SARDH: variants seen among roughly 807,000 people sequenced by gnomAD.
The protein encoded by SARDH is sarcosine dehydrogenase, mitochondrial.
SARDH carries 95 observed loss-of-function variants against 109.1 expected under a neutral mutation model. That is an observed-to-expected ratio of 0.87 (90% confidence interval 0.74 to 1.03). SARDH has a LOEUF of 1.03. Among genes scored for constraint, SARDH ranks in the 50% least tolerant of loss-of-function variants. The probability of loss-of-function intolerance (pLI) is 0.00; values close to 1 mark genes in which losing one functional copy is unlikely to be tolerated. For synonymous variants in SARDH, 572 were observed against 534.8 expected (o/e 1.07, Z -0.96); for missense variants, 1,267 against 1,287.8 (o/e 0.98, Z 0.25).
At position 133,691,169 on chromosome 9, in the gene SARDH, A is replaced by AACACACACACACACAC. The variant is rs3081171; in HGVS notation, c.1922-658_1922-643dup. On this transcript the variant is annotated intron_variant, in intron 15 of 20. Transcript: ENST00000439388. ...ACAGACACCCTACCTCACCTCCCCCAACACACACACACACACACACACACA... is the reference window on the plus strand; with the variant it reads ...ACAGACACCCTACCTCACCTCCCCCAACACACACACACACACACACACACACACACACACACACACA... Among the ~76,000 whole-genome samples the AACACACACACACACAC allele has an allele frequency of 5.3e-5, 6 of 112,192 alleles. 1 individual carries two copies. The highest frequency in any genetic ancestry group is 2.2e-4 in the African/African-American group (6 of 27,824). 73.6% of individuals were successfully genotyped at this position (112,192 alleles called of 152,430 possible). A position where few individuals can be genotyped will look rare whatever the true frequency, so the allele number is the denominator to read the frequency against.
At chr9:133,664,547 A>G (rs1588362932) in intron 20 of SARDH, among the ~76,000 whole-genome samples, 1 of 151,572 alleles carries the variant, frequency 6.6e-6, no homozygotes. Context: ...GGAGGGTGTC[A>G]CCTCCAGCCT....
intron 8 of SARDH, among the ~76,000 whole-genome samples, chr9:133,713,797 C>T (rs1230288478): frequency 6.6e-6 from 1 of 152,218 alleles, no homozygotes; most frequent in Non-Finnish European, 1.5e-5. Flanking sequence ...GTCACTTCGC[C>T]TCTCTGAGCA....
chr9:133,726,341 C>T (rs1422853119), intron 6 of SARDH, among the ~76,000 whole-genome samples: 2 of 90,052 alleles, frequency 2.2e-5, no homozygotes, highest in Non-Finnish European at 5.0e-5. Context: ...GCACTCCAGC[C>T]TGGGAAACAG....
chr9:133,718,483 T>C lies in SARDH; in HGVS notation c.1020+455A>G, dbSNP rs1832207065. On this transcript the variant is annotated intron_variant, in intron 7 of 20. Coordinates refer to ENST00000439388, the MANE Select transcript of SARDH (RefSeq NM_001134707.2). The surrounding 1 kb of genome is among the most constrained non-coding windows in gnomAD (Gnocchi z 4.2). ...AATTAAAGCAGTTTTTAGCCCAAAG[T>C]AGCCACTCAGTCGTTCCATGTGTGG... 3.8e-6 allele frequency: 2 copies of C among 521,368 alleles called. No individual in the cohort carries two copies. Among genetic ancestry groups the C allele is most frequent in the Admixed American group, 6.8e-5 (2 of 29,390 alleles). The allele number at this position is 521,368 out of a possible 1,614,324, so 32.3% of individuals were successfully genotyped here.
intron 12 of SARDH, 147 bp from the exon 13 acceptor site, chr9:133,703,176 C>T (rs1385032293): frequency 7.2e-6 from 5 of 690,020 alleles, no homozygotes; most frequent in African/African-American, 5.3e-5. Context: ...GTGTTGTGGA[C>T]GCGGGCAGGG....
chr9:133,684,647 G>A (rs1297705570), intron 17 of SARDH, among the ~76,000 whole-genome samples: 2 of 152,188 alleles, frequency 1.3e-5, no homozygotes, highest in Non-Finnish European at 2.9e-5. Context: ...CATCTCAGAA[G>A]GGACGGGCTC....
Position 133,718,495 on chromosome 9 carries a change from C to T in SARDH, c.1020+443G>A, listed in dbSNP as rs115581947. 509 of 532,348 alleles carry T rather than the reference C, an allele frequency of 9.6e-4. 3 individuals carry two copies. The highest frequency in any genetic ancestry group is 8.8e-3 in the African/African-American group (464 of 52,934). The allele number at this position is 532,348 out of a possible 1,614,324, so 33.0% of individuals were successfully genotyped here. Reference sequence around the variant, plus strand: ...TTTTAGCCCAAAGTAGCCACTCAGTCGTTCCATGTGTGGACTAAATGCATA... The same window carrying T: ...TTTTAGCCCAAAGTAGCCACTCAGTTGTTCCATGTGTGGACTAAATGCATA... On this transcript the variant is annotated intron_variant, in intron 7 of 20. Transcript: ENST00000439388. The surrounding 1 kb of genome is among the most constrained non-coding windows in gnomAD (Gnocchi z 4.2).
chr9:133,701,819 G>A (rs1045436754), intron 13 of SARDH, among the ~76,000 whole-genome samples: 1 of 152,238 alleles, frequency 6.6e-6, no homozygotes, highest in African/African-American at 2.4e-5. Flanking sequence ...TCGGGGAGAT[G>A]GTGGAAATGA....
At position 133,705,002 on chromosome 9, in the gene SARDH, C is replaced by A; in HGVS notation, c.1500G>T (p.Gln500His). The A allele has an allele frequency of 6.3e-7, 1 of 1,591,924 alleles. No individual in the cohort carries two copies. Among genetic ancestry groups the A allele is most frequent in the Non-Finnish European group, 8.5e-7 (1 of 1,170,272 alleles). The change falls in exon 12 of 21, where the codon CAG (glutamine) becomes CAT (histidine). Residue 500 changes from glutamine (Q) to histidine (H), a missense_variant. Gln to His is a conservative substitution (Grantham distance 24, BLOSUM62 0). Coordinates refer to ENST00000439388, the MANE Select transcript of SARDH (RefSeq NM_001134707.2). ...EELLGQGCVF[Q>H]ERHGWERPGW... ...CCGGTCGCTCCCAGCCATGCCGCTC[C>A]TGGAACACGCAGCCTTGTCCAAGGA...
At chr9:133,691,140 TCAGA>T (rs1321210382) in intron 15 of SARDH, among the ~76,000 whole-genome samples, 1 of 143,748 alleles carries the variant, frequency 7.0e-6, no homozygotes, top group African/African-American at 2.6e-5. Context: ...TCAGCTCTAT[TCAGA>T]CAGACACCCT....
rs564854193 is a variant in SARDH, at chr9:133,693,268, A to G, written c.1921+990T>C. Among the ~76,000 whole-genome samples, 8 of 152,270 alleles carry G rather than the reference A, an allele frequency of 5.3e-5. No individual in the cohort carries two copies. Among genetic ancestry groups the G allele is most frequent in the Non-Finnish European group, 1.0e-4 (7 of 68,016 alleles). On this transcript the variant is annotated intron_variant, in intron 15 of 20. Transcript: ENST00000439388. The surrounding 1 kb of genome is among the most constrained non-coding windows in gnomAD (Gnocchi z 5.6). ...GAGCCTGACACACAGTCGGTGCTCAATGACTGCTGCCGAAGGTGCGGGTTA... is the reference window on the plus strand; with the variant it reads ...GAGCCTGACACACAGTCGGTGCTCAGTGACTGCTGCCGAAGGTGCGGGTTA...
chr9:133,676,882 CA>C (rs954724838), intron 17 of SARDH, among the ~76,000 whole-genome samples: 5 of 152,284 alleles, frequency 3.3e-5, no homozygotes, highest in African/African-American at 1.2e-4. Context: ...CTCACGCCTG[CA>C]ATCCCAGCAC....
intron 20 of SARDH, among the ~76,000 whole-genome samples, chr9:133,665,951 T>A (rs1340749298): frequency 6.6e-6 from 1 of 152,118 alleles, no homozygotes; most frequent in African/African-American, 2.4e-5. Flanking sequence ...GACACGACCC[T>A]CCTCACCGGC....
At chr9:133,725,547 G>T (rs1274244446) in intron 6 of SARDH, 1 of 436,670 alleles carries the variant, frequency 2.3e-6, no homozygotes, top group Non-Finnish European at 4.6e-6. Context: ...GTGGTGACGG[G>T]CACATTTAAT....
At chr9:133,706,070 C>A (rs1480070113) in intron 11 of SARDH, among the ~76,000 whole-genome samples, 3 of 152,196 alleles carry the variant, frequency 2.0e-5, no homozygotes, top group Non-Finnish European at 4.4e-5. Context: ...GCTGCCCTAG[C>A]AGAAAGATGC....
chr9:133,708,494 AC>A (rs1383814548), intron 10 of SARDH, 66 bp from the exon 11 acceptor site: 5 of 1,537,362 alleles, frequency 3.3e-6, no homozygotes, highest in Middle Eastern at 1.7e-4. Context: ...CTAGCCTAGG[AC>A]CCAGGGTAAG....
chr9:133,726,508 G>A (rs1832497784), intron 6 of SARDH, among the ~76,000 whole-genome samples: 1 of 152,046 alleles, frequency 6.6e-6, no homozygotes, highest in Non-Finnish European at 1.5e-5. Flanking sequence ...CTGGTGGCCA[G>A]GGAAGCCCCT....
chr9:133,664,127 A>G (rs1829975456), intron 20 of SARDH, 113 bp from the exon 21 acceptor site: 1 of 1,397,280 alleles, frequency 7.2e-7, no homozygotes, highest in Non-Finnish European at 9.7e-7. Flanking sequence ...CTGTGGGCAA[A>G]CTCATCCCTG....
rs1335717393 is a variant in SARDH at position 133,696,238 on chromosome 9, C to A, written c.1792G>T (p.Val598Phe). ...GGCTCCATACCTGGGGGTCGGCTGA[C>A]ATCTGCGGAGAAGAGCCAGTCGGCA... ...KAADWLFSAD[V>F]SRPPGSTVYT... Residue 598 changes from valine to phenylalanine, a missense_variant, in exon 14 of 21, where the codon GTC becomes TTC. Physicochemically the swap from Val to Phe is conservative, Grantham distance 50. Transcript: ENST00000439388. The A allele has an allele frequency of 1.2e-6, 2 of 1,613,960 alleles. No individual in the cohort carries two copies. Among genetic ancestry groups the A allele is most frequent in the Non-Finnish European group, 1.7e-6 (2 of 1,180,032 alleles).
Sources: allele counts gnomAD v4.1 joint callset (sites outside exome capture counted in the v4.1 genomes callset), GRCh38; gene constraint gnomAD v4.1.1; non-coding constraint Gnocchi (gnomAD v3.1); transcripts MANE v1.5; gene names NCBI Gene and HGNC (gene_info 2026-07-23, HGNC 2026-07-21).